KCNK2: variants seen among roughly 807,000 people sequenced by gnomAD.
KCNK2 encodes the protein potassium channel subfamily K member 2.
In KCNK2, 21 loss-of-function variants were observed where a neutral mutation model predicts 40.5. That is an observed-to-expected ratio of 0.52 (90% CI 0.37 to 0.75). The LOEUF is 0.75. KCNK2 is among the 30% of genes least tolerant of loss of function. The pLI is 0.00. For synonymous variants in KCNK2, 191 were observed against 202.2 expected, an observed-to-expected ratio of 0.94 and a Z score of 0.47; for missense variants, 399 against 531.6, an observed-to-expected ratio of 0.75 and a Z score of 2.45.
intron 6 of KCNK2, among the ~76,000 whole-genome samples, chr1:215,209,972 T>A (rs866747543): frequency 1.1e-3 from 65 of 60,656 alleles, no homozygotes; most frequent in African/African-American, 4.3e-3. Flanking sequence ...TTATATATAT[T>A]ATATATATTA....
At chr1:215,226,515 C>T (rs1343837479) in intron 6 of KCNK2, among the ~76,000 whole-genome samples, 4 of 151,972 alleles carry the variant, frequency 2.6e-5, no homozygotes, top group African/African-American at 4.8e-5. Context: ...TTGGTAGAGA[C>T]GGGGTTTCAC....
In KCNK2 at chr1:215,172,194, C is replaced by A; in HGVS notation, c.823+11C>A. 1 of 1,606,548 alleles carries A rather than the reference C, an allele frequency of 6.2e-7. No individual in the cohort carries two copies. The highest frequency in any genetic ancestry group is 1.1e-5 in the South Asian group (1 of 90,202). On this transcript the variant is annotated intron_variant, in intron 5 of 6. Transcript: ENST00000444842. Reference sequence around the variant, plus strand: ...GTGACTACGTTGCAGGTAAGCTTTTCCTGGCATCCATGTTACTCTTCTAAC... The same window carrying A: ...GTGACTACGTTGCAGGTAAGCTTTTACTGGCATCCATGTTACTCTTCTAAC...
chr1:215,073,249 T>C (rs1658818087), intron 1 of KCNK2, among the ~76,000 whole-genome samples: 1 of 152,152 alleles, frequency 6.6e-6, no homozygotes, highest in Non-Finnish European at 1.5e-5. Flanking sequence ...ATTCCTGACT[T>C]CTACTCCGCA....
At position 215,067,241 on chromosome 1, in the gene KCNK2, A is replaced by T. The variant is rs955606643; in HGVS notation, c.35-19127A>T. On this transcript the variant is annotated intron_variant, in intron 1 of 6. Coordinates refer to the KCNK2 transcript ENST00000391895. ...TACTAAATAAACATTTACATAATTCATGTATCAAAATATCACATGTATCCC... is the reference window on the plus strand; with the variant it reads ...TACTAAATAAACATTTACATAATTCTTGTATCAAAATATCACATGTATCCC... 1.2e-4 allele frequency among the ~76,000 whole-genome samples: 19 copies of T among 152,190 alleles called. 1 individual carries two copies. Among genetic ancestry groups the T allele is most frequent in the Admixed American group, 9.2e-4 (14 of 15,282 alleles).
At chr1:215,202,057 A>C (rs1226298642) in intron 6 of KCNK2, among the ~76,000 whole-genome samples, 1 of 152,196 alleles carries the variant, frequency 6.6e-6, no homozygotes, top group Non-Finnish European at 1.5e-5. Context: ...TCAAGTAGTT[A>C]TAAATGACTA....
intron 2 of KCNK2, among the ~76,000 whole-genome samples, chr1:215,096,251 T>C (rs1210204251): frequency 1.3e-5 from 2 of 151,846 alleles, no homozygotes; most frequent in Non-Finnish European, 2.9e-5. Flanking sequence ...ATTTTACACG[T>C]ATAGGATCAC....
At chr1:215,092,781 A>G (rs1322530109) in intron 2 of KCNK2, among the ~76,000 whole-genome samples, 1 of 152,188 alleles carries the variant, frequency 6.6e-6, no homozygotes, top group South Asian at 2.1e-4. Context: ...GGTGCAAATC[A>G]TCCATTGCAC....
chr1:215,098,927 A>T lies in KCNK2; in HGVS notation c.357+12249A>T, dbSNP rs533752462. ...GTTCAAAGATATTATTCTCTATGTG[A>T]TTTCACTCTGTTTTGCTTTAAGTGT... On this transcript the variant is annotated intron_variant, in intron 2 of 6. Transcript: ENST00000444842. 2.6e-5 allele frequency among the ~76,000 whole-genome samples: 4 copies of T among 151,850 alleles called. No individual in the cohort carries two copies. In the East Asian group the frequency reaches 7.8e-4, roughly 29 times the overall value.
chr1:215,195,193 A>T, intron 6 of KCNK2, 101 bp downstream of exon 6: 7 of 969,626 alleles, frequency 7.2e-6, no homozygotes, highest in Non-Finnish European at 1.0e-5. Context: ...TAAACATTTT[A>T]AAATGTTAAT....
intron 6 of KCNK2, among the ~76,000 whole-genome samples, chr1:215,204,617 C>T (rs1042628972): frequency 6.6e-6 from 1 of 151,412 alleles, no homozygotes; most frequent in Non-Finnish European, 1.5e-5. Context: ...GGACTTTCTT[C>T]AGCAAACCAA....
intron 2 of KCNK2, among the ~76,000 whole-genome samples, chr1:215,099,916 C>T (rs1558090906): frequency 6.6e-6 from 1 of 151,972 alleles, no homozygotes; most frequent in Non-Finnish European, 1.5e-5. Context: ...ATTCTCCTTT[C>T]CTGTCACTAT....
At chr1:215,105,983 C>T (rs1259155026) in intron 2 of KCNK2, among the ~76,000 whole-genome samples, 1 of 151,976 alleles carries the variant, frequency 6.6e-6, no homozygotes, top group South Asian at 2.1e-4. Context: ...TTTTCTTATT[C>T]AATCTACTAT....
intron 1 of KCNK2, among the ~76,000 whole-genome samples, chr1:215,036,109 A>C (rs1657374596): frequency 1.3e-5 from 2 of 150,768 alleles, no homozygotes; most frequent in African/African-American, 2.4e-5. Flanking sequence ...TGCCTACTTC[A>C]ATGTTATGAA....
chr1:215,149,413 C>T (rs1662586076), intron 3 of KCNK2, among the ~76,000 whole-genome samples: 1 of 152,138 alleles, frequency 6.6e-6, no homozygotes, highest in Non-Finnish European at 1.5e-5. Flanking sequence ...TAGGAGACTT[C>T]CTCGGCACAT....
chr1:215,128,836 G>A (rs531433131), intron 3 of KCNK2, among the ~76,000 whole-genome samples: 3 of 152,224 alleles, frequency 2.0e-5, no homozygotes, highest in Non-Finnish European at 4.4e-5. Context: ...GGGAAGTAAT[G>A]TTGACTGCTT....
chr1:215,032,702 C>G (rs907163517), intron 1 of KCNK2, among the ~76,000 whole-genome samples: 1 of 152,068 alleles, frequency 6.6e-6, no homozygotes, highest in Non-Finnish European at 1.5e-5. Context: ...ATATTTCACT[C>G]CACTTTCTTC....
chr1:215,066,631 C>G (rs1658554107), intron 1 of KCNK2, among the ~76,000 whole-genome samples: 3 of 152,124 alleles, frequency 2.0e-5, no homozygotes, highest in African/African-American at 7.2e-5. Flanking sequence ...ATTCCTGGCT[C>G]TAAACTCGGG....
At chr1:215,150,439 C>A (rs537270848) in intron 3 of KCNK2, among the ~76,000 whole-genome samples, 1 of 152,002 alleles carries the variant, frequency 6.6e-6, no homozygotes, top group African/African-American at 2.4e-5. Flanking sequence ...TAATTTCCAA[C>A]GTTTGTGATG....
chr1:215,089,068 G>A (rs1035639334), intron 2 of KCNK2, among the ~76,000 whole-genome samples: 15 of 152,090 alleles, frequency 9.9e-5, no homozygotes, highest in African/African-American at 3.6e-4. Flanking sequence ...CAGGGAGGAA[G>A]GTAAATAAGC....
Sources: allele counts gnomAD v4.1 joint callset (sites outside exome capture counted in the v4.1 genomes callset), GRCh38; gene constraint gnomAD v4.1.1; transcripts MANE v1.5; gene names NCBI Gene and HGNC (gene_info 2026-07-23, HGNC 2026-07-21).